ZNFX1: variants seen among roughly 807,000 people sequenced by gnomAD.
The protein encoded by ZNFX1 is NFX1-type zinc finger-containing protein 1.
In ZNFX1, 78 loss-of-function variants were observed where a neutral mutation model predicts 179.8. The observed-to-expected ratio is 0.43, with a 90% CI of 0.36 to 0.52. The LOEUF is 0.52. Among genes scored for constraint, ZNFX1 ranks in the 20% least tolerant of loss-of-function variants. ZNFX1 has a pLI of 0.00. For missense variants in ZNFX1, 1,927 were observed against 2,386.6 expected (o/e 0.81, Z 4.01); for synonymous variants, 848 against 868.5 (o/e 0.98, Z 0.42).
At chr20:49,274,347 A>C (rs1421157662) in intron 2 of ZNFX1, among the ~76,000 whole-genome samples, 2 of 152,258 alleles carry the variant, frequency 1.3e-5, no homozygotes, top group South Asian at 2.1e-4. Flanking sequence ...GTGAATTATT[A>C]AAGTATGATA....
chr20:49,271,156 A>G lies in ZNFX1; in HGVS notation c.656T>C (p.Val219Ala). The change falls in exon 3 of 14, where the codon GTC becomes GCC. Residue 219 changes from valine to alanine, a missense_variant. Transcript: ENST00000396105. ...GILKNSKFLKVCLPAYVVGMI... is the reference protein window; with the variant it reads ...GILKNSKFLKACLPAYVVGMI... ...CCCTACCACATAAGCAGGCAGGCAG[A>G]CTTTGAGAAATTTGGAGTTTTTCAA... is the stretch of plus-strand genomic sequence containing the variant. 6.2e-7 allele frequency: 1 copy of G among 1,614,168 alleles called. No individual in the cohort carries two copies. Among genetic ancestry groups the G allele is most frequent in the Non-Finnish European group, 8.5e-7 (1 of 1,180,010 alleles).
chr20:49,260,371 T>G (rs1981084428), intron 7 of ZNFX1, 92 bp downstream of exon 7: 1 of 783,154 alleles, frequency 1.3e-6, no homozygotes, highest in Non-Finnish European at 2.0e-6. Flanking sequence ...TAGCTCTTTA[T>G]TTATTCTGGG....
chr20:49,263,297 C>A (rs1279337141), intron 6 of ZNFX1, 37 bp downstream of exon 6: 1 of 1,607,076 alleles, frequency 6.2e-7, no homozygotes, highest in East Asian at 2.2e-5. Context: ...AGTACTGAGG[C>A]CAGAGACATA....
intron 3 of ZNFX1, 65 bp from the exon 4 acceptor site, chr20:49,266,331 G>T: frequency 6.9e-7 from 1 of 1,443,256 alleles, no homozygotes; most frequent in Non-Finnish European, 9.3e-7. Context: ...ATTACTCAGA[G>T]CAAAATCTTT....
At chr20:49,250,718 A>G (rs2055341184) in intron 13 of ZNFX1, among the ~76,000 whole-genome samples, 1 of 151,700 alleles carries the variant, frequency 6.6e-6, no homozygotes, top group South Asian at 2.1e-4. Flanking sequence ...TGCCCAGTTA[A>G]TTTTTGTATT....
Position 49,260,385 on chromosome 20 carries a change from T to G in ZNFX1, c.2416+78A>C, listed in dbSNP as rs1194070743. ...ATAGCTCTTTATTTATTCTGGGAAT[T>G]ATTTTTAAGTCTCACTGTTCTGGTA... is the stretch of plus-strand genomic sequence containing the variant. On this transcript the variant is annotated intron_variant, in intron 7 of 13. Transcript: ENST00000396105. The G allele has an allele frequency of 3.3e-6, 3 of 912,948 alleles. No homozygotes were observed. The East Asian group carries it at 8.3e-5, about 25-fold the overall frequency. The allele number at this position is 912,948 out of a possible 1,614,324, so 56.6% of individuals were successfully genotyped here.
chr20:49,256,054 T>A, intron 8 of ZNFX1, 107 bp from the exon 9 acceptor site: 2 of 1,360,164 alleles, frequency 1.5e-6, no homozygotes, highest in Non-Finnish European at 2.0e-6. Flanking sequence ...GCATCACTGA[T>A]TAATGTCAAG....
chr20:49,251,754 T>G (rs1169013288), intron 12 of ZNFX1, 132 bp from the exon 13 acceptor site: 1 of 648,138 alleles, frequency 1.5e-6, no homozygotes, highest in Admixed American at 3.5e-5. Flanking sequence ...TCCCATCACT[T>G]TGGGAAGCCA....
intron 6 of ZNFX1, among the ~76,000 whole-genome samples, chr20:49,261,259 A>G (rs891014639): frequency 1.3e-5 from 2 of 152,158 alleles, no homozygotes; most frequent in South Asian, 2.1e-4. Flanking sequence ...TAATTCCCTT[A>G]AAGTTTATAG....
chr20:49,263,369 G>A lies in ZNFX1; in HGVS notation c.2266C>T (p.Gln756Ter). ...CCATTCATGAGACTTTCCCAGTGCT[G>A]GGGTGAGATGTACTTCTGCAGGTAC... is the stretch of plus-strand genomic sequence containing the variant. ...EQYLQKYISPQHWESLMNGPV... is the reference protein window; with the variant it reads ...EQYLQKYISP The change falls in exon 6 of 14, where the codon CAG becomes TAG. Residue 756 changes from glutamine to a stop codon, truncating the protein, a stop_gained. Transcript: ENST00000396105. LOFTEE classifies it high-confidence loss of function. 1 of 1,613,856 alleles carries A rather than the reference G, an allele frequency of 6.2e-7. No individual in the cohort carries two copies. The highest frequency in any genetic ancestry group is 8.5e-7 in the Non-Finnish European group (1 of 1,180,022).
chr20:49,249,789 G>A, intron 13 of ZNFX1, 78 bp from the exon 14 acceptor site: 1 of 1,476,104 alleles, frequency 6.8e-7, no homozygotes, highest in Non-Finnish European at 9.2e-7. Context: ...GACATGCACT[G>A]GCCACTTACT....
intron 3 of ZNFX1, among the ~76,000 whole-genome samples, chr20:49,267,128 C>A (rs1360785991): frequency 6.6e-6 from 1 of 152,020 alleles, no homozygotes; most frequent in African/African-American, 2.4e-5. Context: ...ATCTCTTGAC[C>A]CTTGTGATCT....
At chr20:49,272,077 T>C (rs535252295) in intron 2 of ZNFX1, among the ~76,000 whole-genome samples, 38 of 152,202 alleles carry the variant, frequency 2.5e-4, no homozygotes, top group African/African-American at 8.7e-4. Flanking sequence ...AGTCAGAACA[T>C]GAGTTTAAAG....
intron 13 of ZNFX1, among the ~76,000 whole-genome samples, chr20:49,251,022 A>G (rs995451235): frequency 2.7e-5 from 4 of 149,368 alleles, no homozygotes; most frequent in Non-Finnish European, 4.5e-5. Flanking sequence ...ATTCTTATAT[A>G]ACTTGCTTAA....
Position 49,254,648 on chromosome 20 carries a change from G to A in ZNFX1, c.2806C>T (p.Leu936Phe), listed in dbSNP as rs1275568108. 6.2e-7 allele frequency: 1 copy of A among 1,612,958 alleles called. No individual in the cohort carries two copies. Among genetic ancestry groups the A allele is most frequent in the East Asian group, 2.2e-5 (1 of 44,888 alleles). ...DLSSRWQLYRLWLQLYQADTR... is the reference protein window; with the variant it reads ...DLSSRWQLYRFWLQLYQADTR... ...TCAGCCTGGTACAACTGTAGCCAGA[G>A]CCTGGAGAATGGGAAGAACCAAGGA... is the stretch of plus-strand genomic sequence containing the variant. The change falls in exon 10 of 14, where the codon CTC (leucine) becomes TTC (phenylalanine). Residue 936 changes from leucine (L) to phenylalanine (F), a missense_variant and splice_region_variant. By Grantham distance (22) the Leu-to-Phe change is conservative. Transcript: ENST00000396105.
At position 49,254,535 on chromosome 20, in the gene ZNFX1, G is replaced by C; in HGVS notation, c.2919C>G (p.His973Gln). Residue 973 changes from histidine to glutamine, a missense_variant, in exon 10 of 14, where the codon CAC becomes CAG. By Grantham distance (24) the His-to-Gln change is conservative. Transcript: ENST00000396105. The stretch of plus-strand genomic sequence containing the variant: ...CTACAACCTGGGCATCTTTAAGAAT[G>C]TGCAGGTCTTCCTGGAGTCTCAGCT... Reference protein sequence around the residue: ...MAELRLQEDLHILKDAQVVGM... With the variant: ...MAELRLQEDLQILKDAQVVGM... 2 of 1,614,180 alleles carry C rather than the reference G, an allele frequency of 1.2e-6. No homozygotes were observed. Among genetic ancestry groups the C allele is most frequent in the South Asian group, 1.1e-5 (1 of 91,086 alleles).
intron 1 of ZNFX1, among the ~76,000 whole-genome samples, chr20:49,276,943 TC>T (rs989985697): frequency 1.8e-4 from 28 of 152,152 alleles, no homozygotes; most frequent in African/African-American, 6.8e-4. Flanking sequence ...GAAAATTCCT[TC>T]TTCCCCTTGT....
At chr20:49,253,624 C>G in intron 11 of ZNFX1, 42 bp downstream of exon 11, 3 of 1,611,978 alleles carry the variant, frequency 1.9e-6, no homozygotes, top group Non-Finnish European at 2.5e-6. Context: ...ATCTCACCCC[C>G]ACGGAGAGCC....
chr20:49,248,909 C>A lies in ZNFX1; in HGVS notation c.4115G>T (p.Cys1372Phe). The A allele has an allele frequency of 6.2e-7, 1 of 1,614,282 alleles. No homozygotes were observed. Among genetic ancestry groups the A allele is most frequent in the Non-Finnish European group, 8.5e-7 (1 of 1,180,054 alleles). The stretch of plus-strand genomic sequence containing the variant: ...CAGAGACTTGGAGCAAGGCTCCTGG[C>A]AGCAGAAATCTGACTCAGGCACGGA... ...PCSVPESDFC[C>F]QEPCSKSLRC... Residue 1372 changes from cysteine to phenylalanine, a missense_variant, in exon 14 of 14, where the codon TGC (cysteine) becomes TTC (phenylalanine). Physicochemically the swap from Cys to Phe is radical, Grantham distance 205. Transcript: ENST00000396105. This position sits in a 1 kb window ranked among gnomAD's most constrained non-coding sequence, Gnocchi z 4.6.
Sources: gnomAD v4.1 joint callset for allele counts (sites outside exome capture counted in the v4.1 genomes callset) on GRCh38, gnomAD v4.1.1 for gene constraint, Gnocchi (gnomAD v3.1) non-coding constraint, MANE v1.5 for transcripts, NCBI Gene and HGNC (gene_info 2026-07-23, HGNC 2026-07-21) for gene names.